The following FAM114A2 variants were observed in gnomAD, a reference collection of about 807,000 sequenced individuals.
The protein encoded by FAM114A2 is protein FAM114A2.
A neutral mutation model predicts 58.4 loss-of-function variants in FAM114A2; 53 were observed. That is an observed-to-expected ratio of 0.91 (90% confidence interval 0.73 to 1.14). The LOEUF (loss-of-function observed/expected upper bound fraction) is 1.14. FAM114A2 is among the 50% of genes most tolerant of loss of function. The probability of loss-of-function intolerance (pLI) is 0.00; values close to 1 mark genes in which losing one functional copy is unlikely to be tolerated. For missense variants in FAM114A2, 601 were observed against 581.1 expected, an observed-to-expected ratio of 1.03 and a Z score of -0.35; for synonymous variants, 228 against 211.4, an observed-to-expected ratio of 1.08 and a Z score of -0.68.
intron 8 of FAM114A2, among the ~76,000 whole-genome samples, chr5:154,014,954 G>C (rs1770938592): frequency 6.6e-6 from 1 of 152,158 alleles, no homozygotes; most frequent in African/African-American, 2.4e-5. Context: ...ACTCAGTGTG[G>C]TTGGGGAGCA....
chr5:153,995,525 C>T (rs763188092), intron 12 of FAM114A2, among the ~76,000 whole-genome samples: 1 of 152,014 alleles, frequency 6.6e-6, no homozygotes, highest in African/African-American at 2.4e-5. Context: ...TTATCCTTTA[C>T]AGGAATAATC....
chr5:154,009,745 T>G (rs986479531), intron 9 of FAM114A2, among the ~76,000 whole-genome samples: 19 of 152,262 alleles, frequency 1.2e-4, no homozygotes, highest in African/African-American at 4.1e-4. Context: ...ACATTAATCA[T>G]GAGAAAGCAT....
chr5:154,010,761 G>C (rs77425394), intron 9 of FAM114A2, among the ~76,000 whole-genome samples: 5,726 of 152,214 alleles, frequency 0.038, 273 homozygotes, highest in African/African-American at 0.11. Context: ...CCAAAAATAA[G>C]GGCCTTGGTC....
intron 8 of FAM114A2, among the ~76,000 whole-genome samples, chr5:154,017,302 C>T (rs1466852114): frequency 6.6e-5 from 10 of 152,072 alleles, no homozygotes; most frequent in African/African-American, 2.2e-4. Flanking sequence ...ATTAGCCAGG[C>T]GTGGTGGCAC....
At position 153,993,013 on chromosome 5, in the gene FAM114A2, T is replaced by C; in HGVS notation, c.1481A>G (p.His494Arg). The change falls in exon 14 of 14, where the codon CAT (histidine) becomes CGT (arginine). Residue 494 changes from histidine to arginine, a missense_variant. Physicochemically the swap from His to Arg is conservative, Grantham distance 29 (BLOSUM62 0). Transcript: ENST00000351797. ...LIENKIESHR[H>R]ELQGQKPLLE... Reference sequence around the variant, plus strand: ...CAAAGGTTTCTGGCCCTGCAGCTCATGTCTGTGTGATTCAATCTTGTTCTC... The same window carrying C: ...CAAAGGTTTCTGGCCCTGCAGCTCACGTCTGTGTGATTCAATCTTGTTCTC... 4 of 1,613,362 alleles carry C rather than the reference T, an allele frequency of 2.5e-6. No homozygotes were observed. Among genetic ancestry groups the C allele is most frequent in the Non-Finnish European group, 3.4e-6 (4 of 1,179,444 alleles).
At position 154,027,279 on chromosome 5, in the gene FAM114A2, A is replaced by G. The variant is rs762239551; in HGVS notation, c.686T>C (p.Val229Ala). The G allele has an allele frequency of 1.9e-6, 3 of 1,613,564 alleles. No individual in the cohort carries two copies. Among genetic ancestry groups the G allele is most frequent in the East Asian group, 4.5e-5 (2 of 44,854 alleles). ...EEIRTSNEVTVETDKKTHYGL... is the reference protein window; with the variant it reads ...EEIRTSNEVTAETDKKTHYGL... ...ATAATGAGTTTTCTTGTCTGTTTCC[A>G]CGGTAACCTCATTGGAGGTCCGTAT... Residue 229 changes from valine (V) to alanine (A), a missense_variant, in exon 7 of 14, where the codon GTG (valine) becomes GCG (alanine). By Grantham distance (64) the Val-to-Ala change is moderately conservative (BLOSUM62 0). Coordinates refer to ENST00000351797, the MANE Select transcript of FAM114A2 (RefSeq NM_018691.4).
intron 6 of FAM114A2, among the ~76,000 whole-genome samples, 159 bp downstream of exon 6, chr5:154,027,990 G>A (rs543566221): frequency 1.5e-4 from 23 of 152,250 alleles, no homozygotes; most frequent in Admixed American, 6.5e-5. Flanking sequence ...TTTGTAAGCA[G>A]TAGAGCTCTC....
intron 9 of FAM114A2, among the ~76,000 whole-genome samples, chr5:154,008,790 C>G (rs1266755484): frequency 6.6e-6 from 1 of 152,068 alleles, no homozygotes; most frequent in Non-Finnish European, 1.5e-5. Flanking sequence ...GATACTCAAT[C>G]TATAGTATAG....
At chr5:154,031,312 C>CACAAAAAAAAAA (rs1772177531) in intron 4 of FAM114A2, among the ~76,000 whole-genome samples, 1 of 47,858 alleles carries the variant, frequency 2.1e-5, no homozygotes, top group Non-Finnish European at 3.4e-5. Context: ...ACTCCCTCTC[C>CACAAAAAAAAAA]AAAAAAAAAA....
Position 154,006,092 on chromosome 5 carries a change from C to T in FAM114A2, c.994-3123G>A, listed in dbSNP as rs80289164. On this transcript the variant is annotated intron_variant, in intron 9 of 13. Transcript: ENST00000351797. Reference sequence around the variant, plus strand: ...CATTAACCTCTCAAATTCAAAACACCAAACAGCATGAACTATATAAAGGCT... The same window carrying T: ...CATTAACCTCTCAAATTCAAAACACTAAACAGCATGAACTATATAAAGGCT... Among the ~76,000 whole-genome samples the T allele has an allele frequency of 2.0e-3, 311 of 152,278 alleles. 1 individual carries two copies. Among genetic ancestry groups the T allele is most frequent in the African/African-American group, 7.3e-3 (302 of 41,552 alleles).
chr5:154,018,318 G>A lies in FAM114A2; in HGVS notation c.914-6998C>T, dbSNP rs534279278. 9.9e-5 allele frequency among the ~76,000 whole-genome samples: 15 copies of A among 152,152 alleles called. No homozygotes were observed. The South Asian group carries it at 1.0e-3, about 11-fold the overall frequency. On this transcript the variant is annotated intron_variant, in intron 8 of 13. Coordinates refer to ENST00000351797, the MANE Select transcript of FAM114A2 (RefSeq NM_018691.4). ...TAAACTAGAAAACCTAGAGGAGACG[G>A]ATAAATTTCTGGAAAGATACAACCC...
At chr5:154,034,017 A>G (rs1444308471) in intron 3 of FAM114A2, 134 bp from the exon 4 acceptor site, 12 of 673,022 alleles carry the variant, frequency 1.8e-5, no homozygotes, top group Non-Finnish European at 3.1e-5. Flanking sequence ...TAATCTTGGC[A>G]CTATTTCCTT....
At chr5:154,020,856 T>C (rs1771365719) in intron 8 of FAM114A2, among the ~76,000 whole-genome samples, 1 of 152,082 alleles carries the variant, frequency 6.6e-6, no homozygotes, top group Admixed American at 6.6e-5. Context: ...AAGAGAATTT[T>C]AGACCAATAT....
At chr5:154,027,065 G>T in intron 7 of FAM114A2, 111 bp downstream of exon 7, 4 of 846,624 alleles carry the variant, frequency 4.7e-6, no homozygotes, top group Non-Finnish European at 7.4e-6. Context: ...GGCATCTCAA[G>T]CCTCTAACAA....
At chr5:154,032,792 T>C (rs1431591723) in intron 4 of FAM114A2, among the ~76,000 whole-genome samples, 3 of 152,164 alleles carry the variant, frequency 2.0e-5, no homozygotes, top group Non-Finnish European at 4.4e-5. Context: ...CAACAAAGAA[T>C]ACTGTAGAGA....
rs759630744 is a variant in FAM114A2 at position 153,997,889 on chromosome 5, G to T, written c.1257-14C>A. The T allele has an allele frequency of 6.6e-7, 1 of 1,504,774 alleles. No individual in the cohort carries two copies. 93.2% of individuals were successfully genotyped at this position (1,504,774 alleles called of 1,614,324 possible). ...ACAATTGTCATCCTAGGAAAGAAAG[G>T]AAAAGTCAGAAACGTTTTTTCTTTT... On this transcript the variant is annotated splice_polypyrimidine_tract_variant and intron_variant, in intron 11 of 13. Coordinates refer to ENST00000351797, the MANE Select transcript of FAM114A2 (RefSeq NM_018691.4).
At chr5:154,031,397 C>T (rs895296914) in intron 4 of FAM114A2, among the ~76,000 whole-genome samples, 5 of 147,708 alleles carry the variant, frequency 3.4e-5, no homozygotes, top group Admixed American at 1.4e-4. Flanking sequence ...CAGAAGATAG[C>T]CCCCTTTAAA....
chr5:154,003,014 C>T, intron 9 of FAM114A2, 45 bp from the exon 10 acceptor site: 1 of 1,594,574 alleles, frequency 6.3e-7, no homozygotes, highest in Non-Finnish European at 8.6e-7. Flanking sequence ...ATTCAGTTTA[C>T]CAAAATTACT....
chr5:154,026,349 A>G (rs1245704903), intron 8 of FAM114A2, 50 bp downstream of exon 8: 1 of 1,419,704 alleles, frequency 7.0e-7, no homozygotes, highest in African/African-American at 1.5e-5. Context: ...AATGCACTGC[A>G]TACAAACACA....
Sources: allele counts gnomAD v4.1 joint callset (sites outside exome capture counted in the v4.1 genomes callset), GRCh38; gene constraint gnomAD v4.1.1; transcripts MANE v1.5; gene names NCBI Gene and HGNC (gene_info 2026-07-23, HGNC 2026-07-21).